ATP1B4: variants seen among roughly 807,000 people sequenced by gnomAD.
ATP1B4 encodes ATPase Na+/K+ transporting family member beta 4.
ATP1B4 carries 32 observed loss-of-function variants against 29.6 expected under a neutral mutation model. The observed-to-expected ratio is 1.08, with a 90% CI of 0.82 to 1.45. The LOEUF is 1.45. Ranked by LOEUF, ATP1B4 falls within the 40% of genes most tolerant of loss-of-function variation. ATP1B4 has a pLI of 0.00. For missense variants in ATP1B4, 323 were observed against 276.2 expected (o/e 1.17, Z -1.20); for synonymous variants, 127 against 102.1 (o/e 1.24, Z -1.47).
chrX:120,378,386 T>C (rs2058366590), intron 6 of ATP1B4, among the ~76,000 whole-genome samples: 1 of 111,812 alleles, frequency 8.9e-6, no homozygotes, highest in Admixed American at 9.5e-5. Context: ...ATTGCTTCTG[T>C]CTGGGTACCC....
Position 120,378,787 on chromosome X carries a change from C to T in ATP1B4, c.912+14C>T. The T allele has an allele frequency of 8.4e-7, 1 of 1,189,065 alleles. No individual in the cohort carries two copies. Among genetic ancestry groups the T allele is most frequent in the Non-Finnish European group, 1.1e-6 (1 of 875,259 alleles). On this transcript the variant is annotated intron_variant, in intron 7 of 7. Coordinates refer to ENST00000218008, the MANE Select transcript of ATP1B4 (RefSeq NM_001142447.3). ...AAACTGACTCACGTAAGCTGTATTC[C>T]CTTTAGTCATTGCTGTCAGAAAGGG...
chrX:120,364,163 A>G (rs1817125381), intron 1 of ATP1B4, among the ~76,000 whole-genome samples: 1 of 111,919 alleles, frequency 8.9e-6, no homozygotes, highest in African/African-American at 3.3e-5. Context: ...AAATAAGATC[A>G]GTCTGAGGCC....
In ATP1B4 at chrX:120,362,201, A is replaced by G. The variant is rs1215628564; in HGVS notation, c.33A>G (p.Pro11=). ...GGCAACTCCGGTCCAGAAGGGCTCC[A>G]TCCTTTCCTTACAGTTATCGCTACA... is the stretch of plus-strand genomic sequence containing the variant. MRRQLRSRRA[P]SFPYSYRYRL... Residue 11 remains proline (P), a synonymous_variant, in exon 1 of 8, where the codon CCA becomes CCG. Coordinates refer to ENST00000218008, the MANE Select transcript of ATP1B4 (RefSeq NM_001142447.3). The G allele has an allele frequency of 8.3e-7, 1 of 1,209,602 alleles. No individual in the cohort carries two copies. The highest frequency in any genetic ancestry group is 1.1e-6 in the Non-Finnish European group (1 of 894,984).
At chrX:120,378,329 T>C (rs1424151133) in intron 6 of ATP1B4, among the ~76,000 whole-genome samples, 1 of 111,813 alleles carries the variant, frequency 8.9e-6, no homozygotes, top group Non-Finnish European at 1.9e-5. Context: ...AGGCTGGAGT[T>C]GTAGGTCCTC....
chrX:120,368,740 C>A (rs1017027850), intron 2 of ATP1B4, among the ~76,000 whole-genome samples: 1 of 111,590 alleles, frequency 9.0e-6, no homozygotes, highest in African/African-American at 3.3e-5. Context: ...GGACTTGACA[C>A]GGTGTTTTAG....
At chrX:120,369,938 G>C (rs1268328215) in intron 2 of ATP1B4, among the ~76,000 whole-genome samples, 2 of 111,712 alleles carry the variant, frequency 1.8e-5, no homozygotes, top group African/African-American at 3.3e-5. Context: ...GTCAGGATAG[G>C]ACGTTAAGGA....
intron 1 of ATP1B4, among the ~76,000 whole-genome samples, chrX:120,364,482 G>A (rs1232108062): frequency 9.0e-6 from 1 of 111,487 alleles, no homozygotes; most frequent in Non-Finnish European, 1.9e-5. Context: ...GTACTTAACT[G>A]TCAGCTTTAC....
chrX:120,374,107 A>G (rs1024468055), intron 4 of ATP1B4, among the ~76,000 whole-genome samples: 25 of 111,307 alleles, frequency 2.2e-4, no homozygotes, highest in Non-Finnish European at 3.8e-4. Flanking sequence ...AGACAGAGTA[A>G]TCCACACCCA....
chrX:120,372,798 TG>T (rs2058320489), intron 4 of ATP1B4, among the ~76,000 whole-genome samples: 1 of 112,517 alleles, frequency 8.9e-6, no homozygotes, highest in Non-Finnish European at 1.9e-5. Flanking sequence ...AGTGTTATTT[TG>T]GGTAAGTCTG....
chrX:120,367,455 A>C (rs898773219), intron 2 of ATP1B4, among the ~76,000 whole-genome samples: 1 of 111,607 alleles, frequency 9.0e-6, no homozygotes, highest in Non-Finnish European at 1.9e-5. Context: ...TTTGCATCAC[A>C]TGCTGCCATT....
chrX:120,363,565 G>C (rs937449811), intron 1 of ATP1B4, among the ~76,000 whole-genome samples: 2 of 112,491 alleles, frequency 1.8e-5, no homozygotes, highest in African/African-American at 6.5e-5. Flanking sequence ...TGTTTATGGT[G>C]TATAAACACA....
intron 4 of ATP1B4, among the ~76,000 whole-genome samples, chrX:120,374,734 A>ACACCC (rs2058338028): frequency 1.5e-5 from 1 of 67,805 alleles, no homozygotes; most frequent in Non-Finnish European, 2.6e-5. Context: ...TATATATTAT[A>ACACCC]TTATATATAA....
At position 120,382,009 on chromosome X, in the gene ATP1B4, T is replaced by C. The variant is rs2058383213; in HGVS notation, c.*2375T>C. ...ATTGATGTGGAGATGTAAACACATG[T>C]AGGGTTGGTGAGAAGGAAAGATGAG... On this transcript the variant is annotated 3_prime_UTR_variant, in exon 8 of 8. Coordinates refer to ENST00000218008, the MANE Select transcript of ATP1B4 (RefSeq NM_001142447.3). 8.9e-6 allele frequency: 1 copy of C among 111,961 alleles called. No individual in the cohort carries two copies. The highest frequency in any genetic ancestry group is 1.9e-5 in the Non-Finnish European group (1 of 53,204). The allele number at this position is 111,961 out of a possible 1,213,427, so 9.2% of individuals were successfully genotyped here.
intron 4 of ATP1B4, among the ~76,000 whole-genome samples, chrX:120,374,663 A>AT (rs765310020): frequency 1.9e-3 from 40 of 20,952 alleles, no homozygotes; most frequent in Non-Finnish European, 3.2e-3. Context: ...ATAATATAAT[A>AT]TATAATATAT....
chrX:120,376,231 T>G, intron 5 of ATP1B4, 149 bp from the exon 6 acceptor site: 1 of 482,389 alleles, frequency 2.1e-6, no homozygotes, highest in Non-Finnish European at 3.5e-6. Flanking sequence ...TTTTTCATTT[T>G]TTGCTTTTTG....
intron 4 of ATP1B4, among the ~76,000 whole-genome samples, chrX:120,371,597 C>G (rs778654506): frequency 1.2e-4 from 13 of 111,537 alleles, no homozygotes; most frequent in African/African-American, 4.2e-4. Context: ...CTGAAAGATT[C>G]CTATCTTCTA....
intron 2 of ATP1B4, among the ~76,000 whole-genome samples, chrX:120,367,393 T>C (rs1037156332): frequency 2.7e-5 from 3 of 112,207 alleles, no homozygotes; most frequent in African/African-American, 9.7e-5. Flanking sequence ...CTTCTTCTGC[T>C]ATGATAGAGA....
Position 120,374,308 on chromosome X carries a change from C to T in ATP1B4, c.563-1064C>T, listed in dbSNP as rs894765894. ...CTGGCCTCTGGATCCATTGCCAGGT[C>T]GGGAGGTGGGGTGCTACTGAACCAC... On this transcript the variant is annotated intron_variant, in intron 4 of 7. Coordinates refer to ENST00000218008, the MANE Select transcript of ATP1B4 (RefSeq NM_001142447.3). 1.1e-4 allele frequency among the ~76,000 whole-genome samples: 12 copies of T among 106,826 alleles called. No homozygotes were observed. The South Asian group carries it at 1.2e-3, about 11-fold the overall frequency. The allele number at this position is 106,826 out of a possible 115,157, so 92.8% of individuals were successfully genotyped here.
Position 120,365,471 on chromosome X carries a change from G to A in ATP1B4, c.64-1054G>A, listed in dbSNP as rs1478933539. 2.7e-5 allele frequency among the ~76,000 whole-genome samples: 3 copies of A among 112,214 alleles called. No homozygotes were observed. The Admixed American group carries it at 2.8e-4, about 11-fold the overall frequency. The stretch of plus-strand genomic sequence containing the variant: ...CCTCTAAATGGCCTTTGAGGAATCA[G>A]GCCGGGAGGGGGCAGCACAGAGCCC... On this transcript the variant is annotated intron_variant, in intron 1 of 7. Transcript: ENST00000218008.
Sources: gnomAD v4.1 joint callset for allele counts (sites outside exome capture counted in the v4.1 genomes callset) on GRCh38, gnomAD v4.1.1 for gene constraint, MANE v1.5 for transcripts, NCBI Gene and HGNC (gene_info 2026-07-23, HGNC 2026-07-21) for gene names.